Variants in BMPR1A observed in about 807,000 individuals in gnomAD.
The protein encoded by BMPR1A is bone morphogenetic protein receptor type-1A.
In BMPR1A, 7 loss-of-function variants were observed where a neutral mutation model predicts 66.0. The observed-to-expected ratio is 0.11, with a 90% CI of 0.06 to 0.20. The LOEUF (loss-of-function observed/expected upper bound fraction) is 0.20. Among genes scored for constraint, BMPR1A ranks in the 10% least tolerant of loss-of-function variants. BMPR1A has a pLI of 1.00. For synonymous variants in BMPR1A, 200 were observed against 229.7 expected, an observed-to-expected ratio of 0.87 and a Z score of 1.17; for missense variants, 408 against 669.1, an observed-to-expected ratio of 0.61 and a Z score of 4.31.
chr10:86,902,163 A>C (rs984488556), intron 7 of BMPR1A, among the ~76,000 whole-genome samples: 2 of 152,112 alleles, frequency 1.3e-5, no homozygotes, highest in Admixed American at 6.6e-5. Flanking sequence ...CCTGGCCTCT[A>C]ATGTGTATAG....
chr10:86,799,469 T>TCTTCCTTC (rs4029467), intron 1 of BMPR1A, among the ~76,000 whole-genome samples: 4,372 of 120,854 alleles, frequency 0.036, 108 homozygotes, highest in African/African-American at 0.056. Flanking sequence ...TTCCTTCCTT[T>TCTTCCTTC]CTTCCTTCCT....
chr10:86,834,817 A>G (rs893982809), intron 1 of BMPR1A, among the ~76,000 whole-genome samples: 2 of 152,116 alleles, frequency 1.3e-5, no homozygotes, highest in Non-Finnish European at 2.9e-5. Context: ...TCTTTAGCTT[A>G]AGAACCCAAC....
chr10:86,899,675 A>G (rs910577388), intron 5 of BMPR1A, 119 bp from the exon 6 acceptor site: 4 of 1,002,302 alleles, frequency 4.0e-6, no homozygotes, highest in Non-Finnish European at 6.0e-6. Flanking sequence ...GTTTTTACAT[A>G]TAAAATTTGC....
chr10:86,865,522 C>T lies in BMPR1A; in HGVS notation c.-152-10345C>T, dbSNP rs565204831. ...GCTGACTCTCTTTTAGGACTCAGCC[C>T]GCCTGCACCCAGGTGATTAAAAGCT... is the stretch of plus-strand genomic sequence containing the variant. On this transcript the variant is annotated intron_variant, in intron 2 of 12. Transcript: ENST00000372037. Among the ~76,000 whole-genome samples, 4 of 152,256 alleles carry T rather than the reference C, an allele frequency of 2.6e-5. No homozygotes were observed. In the East Asian group the frequency reaches 5.8e-4, roughly 22 times the overall value.
intron 7 of BMPR1A, among the ~76,000 whole-genome samples, chr10:86,907,155 T>C (rs1843406910): frequency 6.6e-6 from 1 of 152,274 alleles, no homozygotes; most frequent in South Asian, 2.1e-4. Context: ...GCACAAGTGC[T>C]GTCTGACACT....
rs982799760 is a variant in BMPR1A at position 86,847,484 on chromosome 10, G to A, written c.-153+8505G>A. On this transcript the variant is annotated intron_variant, in intron 2 of 12. Transcript: ENST00000372037. ...TTTTATAGGGCAGGGGTTAGGGAACGTCTCATTGCCCCTTTTGTTTTTCTT... is the reference window on the plus strand; with the variant it reads ...TTTTATAGGGCAGGGGTTAGGGAACATCTCATTGCCCCTTTTGTTTTTCTT... 3.3e-5 allele frequency among the ~76,000 whole-genome samples: 5 copies of A among 151,742 alleles called. No homozygotes were observed. In the South Asian group the frequency reaches 6.3e-4, roughly 19 times the overall value.
intron 1 of BMPR1A, among the ~76,000 whole-genome samples, chr10:86,824,740 T>C (rs968896807): frequency 1.3e-5 from 2 of 152,206 alleles, no homozygotes; most frequent in Admixed American, 6.5e-5. Flanking sequence ...ATGAAGATAA[T>C]TTTAAGTTTT....
chr10:86,788,440 T>C (rs1841549373), intron 1 of BMPR1A, among the ~76,000 whole-genome samples: 1 of 152,166 alleles, frequency 6.6e-6, no homozygotes, highest in Non-Finnish European at 1.5e-5. Flanking sequence ...TAGGGGGCAG[T>C]AGTGTAAAGC....
At chr10:86,860,559 C>G (rs1267749957) in intron 2 of BMPR1A, among the ~76,000 whole-genome samples, 1 of 151,978 alleles carries the variant, frequency 6.6e-6, no homozygotes, top group Non-Finnish European at 1.5e-5. Context: ...CACCCGAGAT[C>G]AAGAGTTCGA....
chr10:86,835,260 A>AC lies in BMPR1A; in HGVS notation c.-267-3605_-267-3604insC, dbSNP rs1378688753. Among the ~76,000 whole-genome samples the AC allele has an allele frequency of 2.0e-5, 3 of 150,728 alleles. No individual in the cohort carries two copies. In the East Asian group the frequency reaches 5.9e-4, roughly 30 times the overall value. On this transcript the variant is annotated intron_variant, in intron 1 of 12. Transcript: ENST00000372037. ...TAAAAAGAAAAAAAGAAAAAAAAAAAAAACAGAAAAAAAACAAACAAGTGT... is the reference window on the plus strand; with the variant it reads ...TAAAAAGAAAAAAAGAAAAAAAAAAACAAACAGAAAAAAAACAAACAAGTGT...
At chr10:86,813,261 G>A (rs1015057451) in intron 1 of BMPR1A, among the ~76,000 whole-genome samples, 1 of 152,154 alleles carries the variant, frequency 6.6e-6, no homozygotes, top group Non-Finnish European at 1.5e-5. Flanking sequence ...GTGACTCATA[G>A]TCTGTGATTT....
intron 2 of BMPR1A, among the ~76,000 whole-genome samples, chr10:86,847,212 A>G (rs1376410220): frequency 1.3e-5 from 2 of 152,134 alleles, no homozygotes; most frequent in Non-Finnish European, 2.9e-5. Context: ...TCCATATGGT[A>G]TAGTGGGGAG....
At chr10:86,917,095 TTCA>T in intron 8 of BMPR1A, 36 bp from the exon 9 acceptor site, 3 of 1,605,652 alleles carry the variant, frequency 1.9e-6, no homozygotes, top group Non-Finnish European at 2.6e-6. Flanking sequence ...ATGGGTTTCT[TTCA>T]TCAAGAGCTC....
chr10:86,809,595 C>CTTTTT (rs71019431), intron 1 of BMPR1A, among the ~76,000 whole-genome samples: 5 of 123,888 alleles, frequency 4.0e-5, no homozygotes, highest in Admixed American at 8.3e-5. Flanking sequence ...CACCCGACCT[C>CTTTTT]TTTTTTTTTT....
intron 3 of BMPR1A, among the ~76,000 whole-genome samples, chr10:86,884,807 TATGTGTCGGAC>T (rs1256595730): frequency 6.6e-6 from 1 of 152,158 alleles, no homozygotes; most frequent in African/African-American, 2.4e-5. Context: ...TGCATGTCAG[TATGTGTCGGAC>T]ATGTGTCAGC....
intron 1 of BMPR1A, among the ~76,000 whole-genome samples, chr10:86,793,055 C>G (rs902677035): frequency 5.3e-5 from 8 of 152,074 alleles, no homozygotes; most frequent in Non-Finnish European, 1.2e-4. Context: ...GCAGTCTTCT[C>G]TAGCTACTAT....
At chr10:86,812,031 C>A (rs372695959) in intron 1 of BMPR1A, among the ~76,000 whole-genome samples, 172 of 151,302 alleles carry the variant, frequency 1.1e-3, no homozygotes, top group African/African-American at 3.8e-3. Flanking sequence ...GTGGTAAGCT[C>A]TGAGCATGCC....
chr10:86,783,815 C>A (rs1841473660), intron 1 of BMPR1A, among the ~76,000 whole-genome samples: 1 of 152,172 alleles, frequency 6.6e-6, no homozygotes, highest in African/African-American at 2.4e-5. Flanking sequence ...TCTCGAAGTG[C>A]TGGAATTACA....
At chr10:86,885,388 G>C (rs1019246527) in intron 3 of BMPR1A, among the ~76,000 whole-genome samples, 4 of 152,190 alleles carry the variant, frequency 2.6e-5, no homozygotes, top group African/African-American at 9.7e-5. Context: ...AGTTGTGACA[G>C]AGACCTTGGG....
Sources: allele counts gnomAD v4.1 joint callset (sites outside exome capture counted in the v4.1 genomes callset), GRCh38; gene constraint gnomAD v4.1.1; transcripts MANE v1.5; gene names NCBI Gene and HGNC (gene_info 2026-07-23, HGNC 2026-07-21).